Variants in TTLL5 observed in about 807,000 individuals in gnomAD.
TTLL5 encodes tubulin polyglutamylase TTLL5.
A neutral mutation model predicts 168.4 loss-of-function variants in TTLL5; 132 were observed. That is an observed-to-expected ratio of 0.78 (90% CI 0.68 to 0.91). The LOEUF (loss-of-function observed/expected upper bound fraction) is 0.91. TTLL5 is among the 40% of genes least tolerant of loss of function. The probability of loss-of-function intolerance (pLI) is 0.00; values close to 1 mark genes in which losing one functional copy is unlikely to be tolerated. For synonymous variants in TTLL5, 546 were observed against 558.6 expected (o/e 0.98, Z 0.32); for missense variants, 1,545 against 1,581.5 (o/e 0.98, Z 0.39).
intron 31 of TTLL5, among the ~76,000 whole-genome samples, chr14:75,940,476 GT>G (rs2140191820): frequency 6.6e-6 from 1 of 152,218 alleles, no homozygotes; most frequent in East Asian, 1.9e-4. Context: ...GGTTTTACAT[GT>G]TTATATAAAA....
chr14:75,778,035 A>G (rs1011157912), intron 23 of TTLL5, among the ~76,000 whole-genome samples: 1 of 152,124 alleles, frequency 6.6e-6, no homozygotes, highest in Non-Finnish European at 1.5e-5. Context: ...TTAAAGCTAA[A>G]AGATAATTTT....
intron 29 of TTLL5, among the ~76,000 whole-genome samples, chr14:75,874,752 T>A (rs2031320133): frequency 6.6e-6 from 1 of 152,148 alleles, no homozygotes; most frequent in African/African-American, 2.4e-5. Flanking sequence ...GATAACATGA[T>A]GTTTATCACA....
chr14:75,721,220 A>C (rs766316584), intron 12 of TTLL5, among the ~76,000 whole-genome samples: 1 of 146,164 alleles, frequency 6.8e-6, no homozygotes, highest in African/African-American at 2.6e-5. Context: ...CTCCCCTTCC[A>C]CTCCACCCCC....
intron 7 of TTLL5, among the ~76,000 whole-genome samples, chr14:75,701,465 G>A (rs957033648): frequency 9.2e-5 from 14 of 152,172 alleles, no homozygotes; most frequent in Non-Finnish European, 2.1e-4. Context: ...GAGGCTGACT[G>A]TGAATTTTGT....
At chr14:75,892,897 G>A (rs2032469844) in intron 30 of TTLL5, among the ~76,000 whole-genome samples, 1 of 152,126 alleles carries the variant, frequency 6.6e-6, no homozygotes, top group South Asian at 2.1e-4. Context: ...GTTTGGGGCT[G>A]GTGTCAGGGG....
chr14:75,691,571 T>C (rs1018869416), intron 6 of TTLL5, among the ~76,000 whole-genome samples: 1 of 152,218 alleles, frequency 6.6e-6, no homozygotes, highest in African/African-American at 2.4e-5. Context: ...GCAGTTTGGC[T>C]TCAGAGGCCA....
At chr14:75,893,626 G>A (rs990667563) in intron 30 of TTLL5, among the ~76,000 whole-genome samples, 19 of 151,984 alleles carry the variant, frequency 1.3e-4, no homozygotes, top group Non-Finnish European at 2.6e-4. Flanking sequence ...AGACCATCCT[G>A]GCTAACACGT....
At chr14:75,663,006 C>T (rs1213398554) in intron 1 of TTLL5, 49 bp from the exon 2 acceptor site, 1 of 734,274 alleles carries the variant, frequency 1.4e-6, no homozygotes, top group Non-Finnish European at 2.5e-6. Context: ...AAATAGACAA[C>T]TGCATTGTGT....
At chr14:75,695,178 A>G (rs1045419765) in intron 6 of TTLL5, among the ~76,000 whole-genome samples, 3 of 152,224 alleles carry the variant, frequency 2.0e-5, no homozygotes, top group African/African-American at 7.2e-5. Context: ...TCCTAGGGGA[A>G]GGTCCCTAAA....
intron 30 of TTLL5, among the ~76,000 whole-genome samples, chr14:75,898,110 T>C (rs1044537547): frequency 6.6e-6 from 1 of 152,354 alleles, no homozygotes; most frequent in African/African-American, 2.4e-5. Flanking sequence ...CTTTATATTC[T>C]GGTGTACTAT....
At chr14:75,663,366 G>T (rs957908662) in intron 2 of TTLL5, 143 bp downstream of exon 2, 2 of 819,966 alleles carry the variant, frequency 2.4e-6, no homozygotes, top group Non-Finnish European at 3.8e-6. Context: ...ATCTAACTCT[G>T]GTTTTAGCTT....
At chr14:75,693,685 A>G (rs970734343) in intron 6 of TTLL5, among the ~76,000 whole-genome samples, 1 of 152,234 alleles carries the variant, frequency 6.6e-6, no homozygotes, top group Admixed American at 6.5e-5. Flanking sequence ...CTTTCTAAGC[A>G]GAAGGAAGAA....
At chr14:75,929,814 A>C (rs913472816) in intron 31 of TTLL5, among the ~76,000 whole-genome samples, 3 of 152,288 alleles carry the variant, frequency 2.0e-5, no homozygotes, top group South Asian at 4.1e-4. Flanking sequence ...CATTTTTCCT[A>C]TAATGCTGAT....
chr14:75,810,617 TC>T (rs1236552567), intron 27 of TTLL5, among the ~76,000 whole-genome samples: 2 of 152,212 alleles, frequency 1.3e-5, no homozygotes, highest in Non-Finnish European at 2.9e-5. Flanking sequence ...CCCTCCTGCC[TC>T]AGCCCCTCAA....
At chr14:75,870,204 C>A (rs1379380655) in intron 29 of TTLL5, among the ~76,000 whole-genome samples, 13 of 151,804 alleles carry the variant, frequency 8.6e-5, no homozygotes, top group Admixed American at 8.5e-4. Context: ...TCATAAGCAC[C>A]ATCTCAAAAG....
chr14:75,941,494 G>C (rs2034603578), intron 31 of TTLL5: 1 of 152,092 alleles, frequency 6.6e-6, no homozygotes, highest in Non-Finnish European at 1.5e-5. Flanking sequence ...ATCTTTAAGA[G>C]GTAAACGTCT....
intron 31 of TTLL5, among the ~76,000 whole-genome samples, chr14:75,924,974 C>T (rs2033969964): frequency 6.7e-6 from 1 of 148,322 alleles, no homozygotes; most frequent in Non-Finnish European, 1.5e-5. Flanking sequence ...GACCCCCCCA[C>T]CTCACTCCCG....
intron 24 of TTLL5, 37 bp downstream of exon 24, chr14:75,779,739 A>T (rs777562429): frequency 6.4e-7 from 1 of 1,572,712 alleles, no homozygotes; most frequent in African/African-American, 1.4e-5. Flanking sequence ...AATAAGAAGA[A>T]CAAGTGAAGA....
At chr14:75,817,830 CTTTTTTTT>C (rs1045988787) in intron 27 of TTLL5, among the ~76,000 whole-genome samples, 1 of 83,860 alleles carries the variant, frequency 1.2e-5, no homozygotes, top group Non-Finnish European at 2.1e-5. Context: ...CTTTTCTTTT[CTTTTTTTT>C]TTTTTTTTTT....
Sources: allele counts gnomAD v4.1 joint callset (sites outside exome capture counted in the v4.1 genomes callset), GRCh38; gene constraint gnomAD v4.1.1; transcripts MANE v1.5; gene names NCBI Gene and HGNC (gene_info 2026-07-23, HGNC 2026-07-21).